BAZ1B: variants seen among roughly 807,000 people sequenced by gnomAD.
BAZ1B encodes the protein tyrosine-protein kinase BAZ1B.
In BAZ1B, 22 loss-of-function variants were observed where a neutral mutation model predicts 153.8. The observed-to-expected ratio is 0.14, with a 90% CI of 0.10 to 0.20. The LOEUF is 0.20. BAZ1B is among the 10% of genes least tolerant of loss of function. The pLI is 1.00. For synonymous variants in BAZ1B, 676 were observed against 633.4 expected (o/e 1.07, Z -1.01); for missense variants, 1,325 against 1,799.3 (o/e 0.74, Z 4.77).
At chr7:73,468,697 G>A (rs895707634) in intron 9 of BAZ1B, among the ~76,000 whole-genome samples, 3 of 151,918 alleles carry the variant, frequency 2.0e-5, no homozygotes, top group African/African-American at 7.3e-5. Context: ...CTCATTTTTC[G>A]TTAGGTATTT....
intron 15 of BAZ1B, among the ~76,000 whole-genome samples, chr7:73,448,219 G>A (rs894292538): frequency 1.3e-5 from 2 of 152,128 alleles, no homozygotes; most frequent in African/African-American, 4.8e-5. Flanking sequence ...CAGCAGAATC[G>A]CTTGAACCTG....
intron 1 of BAZ1B, among the ~76,000 whole-genome samples, chr7:73,521,303 A>T (rs1554580141): frequency 2.0e-5 from 3 of 152,088 alleles, no homozygotes; most frequent in African/African-American, 7.2e-5. Context: ...TCCCCTCGGG[A>T]GACGAAAAAA....
chr7:73,490,604 A>C (rs534208137), intron 5 of BAZ1B, among the ~76,000 whole-genome samples: 1 of 151,376 alleles, frequency 6.6e-6, no homozygotes, highest in Non-Finnish European at 1.5e-5. Flanking sequence ...GTTAAAACTA[A>C]GCATTTTTTT....
At chr7:73,466,682 T>C (rs944555804) in intron 9 of BAZ1B, among the ~76,000 whole-genome samples, 1 of 152,226 alleles carries the variant, frequency 6.6e-6, no homozygotes, top group Non-Finnish European at 1.5e-5. Flanking sequence ...AATATCTTTA[T>C]ATCAAAGCAA....
intron 6 of BAZ1B, among the ~76,000 whole-genome samples, chr7:73,485,344 G>C (rs1789361667): frequency 6.6e-6 from 1 of 152,156 alleles, no homozygotes; most frequent in South Asian, 2.1e-4. Flanking sequence ...GATTAGGCCA[G>C]ATGCAGTGGC....
chr7:73,456,918 G>C (rs1435175138), intron 13 of BAZ1B, among the ~76,000 whole-genome samples: 5 of 111,040 alleles, frequency 4.5e-5, no homozygotes, highest in Non-Finnish European at 8.3e-5. Flanking sequence ...CTCCGGCCTC[G>C]GCGACAGAGA....
Position 73,489,190 on chromosome 7 carries a change from T to G in BAZ1B, c.891+4A>C. On this transcript the variant is annotated splice_donor_region_variant and intron_variant, in intron 6 of 19. Coordinates refer to ENST00000339594, the MANE Select transcript of BAZ1B (RefSeq NM_032408.4). ...TGCTGTCCAAAAATTAACAGTGACC[T>G]TACCTTGTATGGATCAAGTAAAAAG... is the stretch of plus-strand genomic sequence containing the variant. 1 of 1,613,928 alleles carries G rather than the reference T, an allele frequency of 6.2e-7. No individual in the cohort carries two copies. The highest frequency in any genetic ancestry group is 1.7e-5 in the Admixed American group (1 of 60,012).
Position 73,450,862 on chromosome 7 carries a change from C to T in BAZ1B, c.3565G>A (p.Val1189Ile), listed in dbSNP as rs1554568024. ...TTAAATATACCTTTCTTTCGACAAA[C>T]TTTGCACCTAGCATTTTCTGCGGAC... Reference protein sequence around the residue: ...DMSAENARCKVCRKKGEDDKL... With the variant: ...DMSAENARCKICRKKGEDDKL... The change falls in exon 14 of 20, where the codon GTT becomes ATT. Residue 1189 changes from valine (V) to isoleucine (I), a missense_variant. Around this residue, in one of 9 missense-constraint regions of BAZ1B, gnomAD observed 21 missense variants for 58.3 expected, o/e 0.36. Coordinates refer to ENST00000339594, the MANE Select transcript of BAZ1B (RefSeq NM_032408.4). This position sits in a 1 kb window ranked among gnomAD's most constrained non-coding sequence, Gnocchi z 4.1. The T allele has an allele frequency of 1.2e-6, 2 of 1,614,126 alleles. No individual in the cohort carries two copies. Among genetic ancestry groups the T allele is most frequent in the Non-Finnish European group, 1.7e-6 (2 of 1,180,010 alleles).
At chr7:73,521,638 C>A (rs1554580219) in intron 1 of BAZ1B, among the ~76,000 whole-genome samples, 189 bp downstream of exon 1, 2 of 151,524 alleles carry the variant, frequency 1.3e-5, no homozygotes, top group African/African-American at 4.8e-5. Context: ...CCGGTGCGCG[C>A]CCCCCGCCGG....
Position 73,476,857 on chromosome 7 carries a change from T to A in BAZ1B, c.2593+11A>T, listed in dbSNP as rs781936292. 3 of 1,580,060 alleles carry A rather than the reference T, an allele frequency of 1.9e-6. No homozygotes were observed. In the East Asian group the frequency reaches 6.7e-5, roughly 35 times the overall value. On this transcript the variant is annotated intron_variant, in intron 7 of 19. Transcript: ENST00000339594. Reference sequence around the variant, plus strand: ...CAGAGCTTCCCCTTTTCTCTCAGCATGAAATTTTACCTTTCATTTCTCTTT... The same window carrying A: ...CAGAGCTTCCCCTTTTCTCTCAGCAAGAAATTTTACCTTTCATTTCTCTTT...
At chr7:73,484,621 G>C (rs1276647450) in intron 6 of BAZ1B, among the ~76,000 whole-genome samples, 2 of 152,054 alleles carry the variant, frequency 1.3e-5, no homozygotes, top group Non-Finnish European at 2.9e-5. Flanking sequence ...TCCAGCCTGG[G>C]CAGAGCAAGA....
intron 1 of BAZ1B, among the ~76,000 whole-genome samples, chr7:73,511,717 A>G (rs1488415127): frequency 6.6e-6 from 1 of 151,808 alleles, no homozygotes; most frequent in Non-Finnish European, 1.5e-5. Context: ...AACTCAGACA[A>G]GTTTAAGAGT....
At position 73,478,967 on chromosome 7, in the gene BAZ1B, A is replaced by G. The variant is rs572705025; in HGVS notation, c.892-398T>C. 3.3e-5 allele frequency among the ~76,000 whole-genome samples: 5 copies of G among 152,334 alleles called. No individual in the cohort carries two copies. In the South Asian group the frequency reaches 8.3e-4, roughly 25 times the overall value. On this transcript the variant is annotated intron_variant, in intron 6 of 19. Coordinates refer to ENST00000339594, the MANE Select transcript of BAZ1B (RefSeq NM_032408.4). ...CTGATCTACAAAATGGCAATATCTGAAAAGTTTAAAAAGCACTGTTCTTGA... is the reference window on the plus strand; with the variant it reads ...CTGATCTACAAAATGGCAATATCTGGAAAGTTTAAAAAGCACTGTTCTTGA...
chr7:73,505,026 C>G (rs529110668), intron 3 of BAZ1B, among the ~76,000 whole-genome samples: 62 of 152,258 alleles, frequency 4.1e-4, no homozygotes, highest in Non-Finnish European at 7.6e-4. Flanking sequence ...TGCTGCTGAG[C>G]TAGCTACCAA....
chr7:73,443,002 C>T (rs1316839215), intron 17 of BAZ1B, among the ~76,000 whole-genome samples, 174 bp from the exon 18 acceptor site: 1 of 152,208 alleles, frequency 6.6e-6, no homozygotes, highest in Non-Finnish European at 1.5e-5. Flanking sequence ...GCCCAGGTGG[C>T]AGGCATCTTC....
At chr7:73,492,398 A>ACC (rs1789687321) in intron 5 of BAZ1B, among the ~76,000 whole-genome samples, 4 of 151,786 alleles carry the variant, frequency 2.6e-5, no homozygotes, top group Non-Finnish European at 4.4e-5. Flanking sequence ...TCCTGACCTC[A>ACC]TGATCCGCCC....
In BAZ1B at chr7:73,476,976, G is replaced by A; in HGVS notation, c.2485C>T (p.Pro829Ser). The A allele has an allele frequency of 1.2e-6, 2 of 1,614,044 alleles. No homozygotes were observed. The highest frequency in any genetic ancestry group is 1.1e-5 in the South Asian group (1 of 91,072). ...TCTTCAGCTTCTGTATCTACTTGGG[G>A]CTCAAACTTCACAATTTCTTTTTTC... is the stretch of plus-strand genomic sequence containing the variant. ...DRKKEIVKFE[P>S]QVDTEAEDMI... The change falls in exon 7 of 20, where the codon CCC becomes TCC. Residue 829 changes from proline (P) to serine (S), a missense_variant. Pro to Ser is a moderately conservative substitution (Grantham distance 74). This residue lies in a region of BAZ1B where 431 missense variants were observed against 563.5 expected (regional missense o/e 0.76). Coordinates refer to ENST00000339594, the MANE Select transcript of BAZ1B (RefSeq NM_032408.4).
At chr7:73,465,363 G>T in intron 11 of BAZ1B, 76 bp downstream of exon 11, 1 of 1,011,368 alleles carries the variant, frequency 9.9e-7, no homozygotes. Flanking sequence ...AAATGGATAA[G>T]AAAAAAAACC....
intron 4 of BAZ1B, among the ~76,000 whole-genome samples, chr7:73,494,048 A>T (rs567599683): frequency 8.5e-5 from 13 of 152,202 alleles, no homozygotes; most frequent in African/African-American, 3.1e-4. Context: ...CCAATGACAG[A>T]CTGTGGCTGT....
Sources: allele counts gnomAD v4.1 joint callset (sites outside exome capture counted in the v4.1 genomes callset), GRCh38; gene constraint gnomAD v4.1.1; regional missense constraint gnomAD v4.1.1; non-coding constraint Gnocchi (gnomAD v3.1); transcripts MANE v1.5; gene names NCBI Gene and HGNC (gene_info 2026-07-23, HGNC 2026-07-21).